LOXL4: variants seen among roughly 807,000 people sequenced by gnomAD.
LOXL4 encodes the protein lysyl oxidase homolog 4.
A neutral mutation model predicts 89.1 loss-of-function variants in LOXL4; 72 were observed. The observed-to-expected ratio is 0.81, with a 90% CI of 0.67 to 0.98. LOXL4 has a LOEUF of 0.98. Ranked by LOEUF, LOXL4 falls within the 50% of genes least tolerant of loss-of-function variation. The probability of loss-of-function intolerance (pLI) is 0.00; values close to 1 mark genes in which losing one functional copy is unlikely to be tolerated. For synonymous variants in LOXL4, 355 were observed against 392.1 expected (o/e 0.91, Z 1.12); for missense variants, 984 against 1,017.5 (o/e 0.97, Z 0.45).
intron 8 of LOXL4, 135 bp from the exon 9 acceptor site, chr10:98,257,082 CCTT>C (rs1425404935): frequency 3.7e-6 from 4 of 1,068,180 alleles, no homozygotes; most frequent in South Asian, 1.7e-5. Context: ...GCCTTGGTCT[CCTT>C]CTCTGTAAGG....
intron 6 of LOXL4, 141 bp downstream of exon 6, chr10:98,258,868 C>G: frequency 1.6e-6 from 1 of 642,552 alleles, no homozygotes; most frequent in East Asian, 2.8e-5. Context: ...TTCCAAGGTT[C>G]TACAGTTCTG....
intron 3 of LOXL4, among the ~76,000 whole-genome samples, chr10:98,261,710 G>T (rs532105833): frequency 1.3e-5 from 2 of 152,376 alleles, no homozygotes; most frequent in East Asian, 3.9e-4. Flanking sequence ...TTAGCTCAGG[G>T]TTGTTTGTGC....
intron 1 of LOXL4, among the ~76,000 whole-genome samples, chr10:98,265,829 C>T (rs949029774): frequency 6.6e-6 from 1 of 152,196 alleles, no homozygotes; most frequent in African/African-American, 2.4e-5. Flanking sequence ...CCTTGGTACT[C>T]CTCTTTGCAG....
At chr10:98,251,780 G>A in intron 12 of LOXL4, 78 bp from the exon 13 acceptor site, 1 of 1,534,064 alleles carries the variant, frequency 6.5e-7, no homozygotes, top group Non-Finnish European at 8.8e-7. Flanking sequence ...TACCAGTTCA[G>A]TGTCATCATG....
At position 98,253,665 on chromosome 10, in the gene LOXL4, G is replaced by T. The variant is rs202231313; in HGVS notation, c.1723C>A (p.Pro575Thr). The T allele has an allele frequency of 6.2e-7, 1 of 1,614,146 alleles. No individual in the cohort carries two copies. Among genetic ancestry groups the T allele is most frequent in the African/African-American group, 1.3e-5 (1 of 74,942 alleles). Residue 575 changes from proline (P) to threonine (T), a missense_variant, in exon 11 of 15, where the codon CCC becomes ACC. Pro to Thr is a conservative substitution (Grantham distance 38). Transcript: ENST00000260702. ...LSKSADHMDW[P>T]YGYRRLLRFS... ...CGCAATAGGCGGCGGTATCCGTAGG[G>T]CCAGTCCATGTGATCCGCAGACTTG...
intron 5 of LOXL4, 60 bp from the exon 6 acceptor site, chr10:98,259,288 G>T: frequency 6.3e-7 from 1 of 1,582,566 alleles, no homozygotes; most frequent in South Asian, 1.1e-5. Context: ...TCAGGACTAA[G>T]GGAGGCCAAG....
At chr10:98,255,312 T>C (rs1052485135) in intron 10 of LOXL4, among the ~76,000 whole-genome samples, 6 of 152,234 alleles carry the variant, frequency 3.9e-5, no homozygotes, top group Non-Finnish European at 8.8e-5. Context: ...TAACTGTTGG[T>C]CATAACCCAA....
In LOXL4 at chr10:98,248,787, G is replaced by C. The variant is rs1374809827; in HGVS notation, c.*134C>G. On this transcript the variant is annotated 3_prime_UTR_variant, in exon 15 of 15. Coordinates refer to ENST00000260702, the MANE Select transcript of LOXL4 (RefSeq NM_032211.7). ...GGATTGGTGATCTTGCCATCAAAAG[G>C]CTTCCTGAGCAGGTTCTTGGTGCCC... 2.7e-6 allele frequency: 2 copies of C among 743,644 alleles called. No homozygotes were observed. The highest frequency in any genetic ancestry group is 1.8e-5 in the African/African-American group (1 of 56,578). The allele number at this position is 743,644 out of a possible 1,614,324, so 46.1% of individuals were successfully genotyped here. A position where few individuals can be genotyped will look rare whatever the true frequency, so the allele number is the denominator to read the frequency against.
At chr10:98,263,251 C>A (rs150218977) in intron 1 of LOXL4, among the ~76,000 whole-genome samples, 200 bp from the exon 2 acceptor site, 1 of 152,200 alleles carries the variant, frequency 6.6e-6, no homozygotes, top group East Asian at 1.9e-4. Context: ...CCACCACATT[C>A]GCCATGACCT....
At chr10:98,252,795 A>G (rs1184089325) in intron 11 of LOXL4, among the ~76,000 whole-genome samples, 2 of 152,204 alleles carry the variant, frequency 1.3e-5, no homozygotes, top group African/African-American at 4.8e-5. Context: ...CGGGTCTGTG[A>G]GCAGCCTAGG....
intron 3 of LOXL4, 73 bp downstream of exon 3, chr10:98,261,962 C>A: frequency 6.9e-7 from 1 of 1,447,616 alleles, no homozygotes. Context: ...ATCCTCTAGG[C>A]CCGTCTTCTG....
At chr10:98,264,775 C>T (rs1308444381) in intron 1 of LOXL4, among the ~76,000 whole-genome samples, 3 of 152,144 alleles carry the variant, frequency 2.0e-5, no homozygotes, top group East Asian at 1.9e-4. Flanking sequence ...GCTCTGCTGC[C>T]GATGGAAGCT....
Position 98,255,695 on chromosome 10 carries a change from C to T in LOXL4, c.1473G>A (p.Val491=), listed in dbSNP as rs374298430. ...WSGTPRAQEV[V]MSGVRCSGTE... ...TGCCTGAGCAGCGCACCCCACTCAT[C>T]ACCACCTCCTGGGCCCTTGGCGTCC... Residue 491 remains valine (V), a synonymous_variant, in exon 10 of 15, where the codon GTG becomes GTA. Transcript: ENST00000260702. The T allele has an allele frequency of 1.9e-6, 3 of 1,613,380 alleles. No homozygotes were observed. Among genetic ancestry groups the T allele is most frequent in the Non-Finnish European group, 2.5e-6 (3 of 1,179,454 alleles).
chr10:98,255,531 G>A, intron 10 of LOXL4, 46 bp downstream of exon 10: 1 of 1,563,446 alleles, frequency 6.4e-7, no homozygotes, highest in Non-Finnish European at 8.7e-7. Context: ...CTGAAGGGGA[G>A]CACAGGCCTA....
chr10:98,253,562 T>C lies in LOXL4; in HGVS notation c.1826A>G (p.Gln609Arg). The change falls in exon 11 of 15, where the codon CAG becomes CGG. Residue 609 changes from glutamine (Q) to arginine (R), a missense_variant. Transcript: ENST00000260702. ...ATGGGCAGGCTCTAACCTGTGGCAC[T>C]GGTGCCAAACCCAGCTATCGCGTCC... The part of the protein sequence containing the change: ...KTGRDSWVWH[Q>R]CHRHYHSIEV... The C allele has an allele frequency of 6.2e-7, 1 of 1,614,268 alleles. No individual in the cohort carries two copies. The highest frequency in any genetic ancestry group is 1.1e-5 in the South Asian group (1 of 91,086).
rs114467505 is a variant in LOXL4, at chr10:98,266,612, C to T, written c.-33+1520G>A. ...CTGCTGGAAGGTGGGGGGACGGCAGCGGGAACCAAGAGTTAGATGCAGGGA... is the reference window on the plus strand; with the variant it reads ...CTGCTGGAAGGTGGGGGGACGGCAGTGGGAACCAAGAGTTAGATGCAGGGA... On this transcript the variant is annotated intron_variant, in intron 1 of 14. Coordinates refer to ENST00000260702, the MANE Select transcript of LOXL4 (RefSeq NM_032211.7). 6.0e-3 allele frequency among the ~76,000 whole-genome samples: 907 copies of T among 152,226 alleles called. 5 individuals are homozygous for T. The highest frequency in any genetic ancestry group is 0.021 in the African/African-American group (870 of 41,550).
chr10:98,259,057 G>T lies in LOXL4; in HGVS notation c.873C>A (p.His291Gln), dbSNP rs553043852. Residue 291 changes from histidine to glutamine, a missense_variant, in exon 6 of 15, where the codon CAC becomes CAA. Physicochemically the swap from His to Gln is conservative, Grantham distance 24. Coordinates refer to ENST00000260702, the MANE Select transcript of LOXL4 (RefSeq NM_032211.7). ...GTGGCTTTGTCTTCGGTGGGCGGAA[G>T]TGAGGCCCTGCCACACAGCTGACCA... ...HAVVSCVAGP[H>Q]FRPPKTKPQR... is the part of the protein sequence containing the mutation. The T allele has an allele frequency of 8.9e-6, 14 of 1,572,054 alleles. No homozygotes were observed. The highest frequency in any genetic ancestry group is 1.2e-5 in the Non-Finnish European group (14 of 1,157,776).
chr10:98,262,552 C>T (rs1161475924), intron 2 of LOXL4, among the ~76,000 whole-genome samples, 191 bp downstream of exon 2: 5 of 152,094 alleles, frequency 3.3e-5, no homozygotes, highest in African/African-American at 7.2e-5. Flanking sequence ...GTGGTGACGG[C>T]GGTGGCCTTA....
chr10:98,263,275 A>G (rs1858599203), intron 1 of LOXL4, among the ~76,000 whole-genome samples: 1 of 152,020 alleles, frequency 6.6e-6, no homozygotes. Flanking sequence ...GGAAGTTTAA[A>G]CTTAACCTCA....
Sources: allele counts gnomAD v4.1 joint callset (sites outside exome capture counted in the v4.1 genomes callset), GRCh38; gene constraint gnomAD v4.1.1; transcripts MANE v1.5; gene names NCBI Gene and HGNC (gene_info 2026-07-23, HGNC 2026-07-21).